Variants in ARFGEF2 observed in about 807,000 individuals in gnomAD.
The protein encoded by ARFGEF2 is ARF guanine nucleotide exchange factor 2.
A neutral mutation model predicts 219.9 loss-of-function variants in ARFGEF2; 74 were observed. That is an observed-to-expected ratio of 0.34 (90% confidence interval 0.28 to 0.41). The LOEUF is 0.41. Among genes scored for constraint, ARFGEF2 ranks in the 10% least tolerant of loss-of-function variants. The pLI, the probability that ARFGEF2 is intolerant of heterozygous loss-of-function variation, is 1.00. For missense variants in ARFGEF2, 1,743 were observed against 2,218.3 expected (o/e 0.79, Z 4.30); for synonymous variants, 733 against 799.2 (o/e 0.92, Z 1.40).
intron 6 of ARFGEF2, among the ~76,000 whole-genome samples, chr20:48,959,825 C>G (rs895524122): frequency 5.9e-5 from 9 of 151,758 alleles, no homozygotes; most frequent in Non-Finnish European, 1.2e-4. Flanking sequence ...GTCTCAAACT[C>G]CTAAGTTCAG....
intron 1 of ARFGEF2, among the ~76,000 whole-genome samples, chr20:48,925,306 G>GC (rs1329727548): frequency 1.3e-5 from 2 of 152,096 alleles, no homozygotes; most frequent in Non-Finnish European, 2.9e-5. Context: ...AGTATTCATC[G>GC]CCCCAAGGAT....
chr20:49,018,983 G>A lies in ARFGEF2; in HGVS notation c.4609G>A (p.Gly1537Ser). 6.2e-7 allele frequency: 1 copy of A among 1,613,786 alleles called. No homozygotes were observed. Among genetic ancestry groups the A allele is most frequent in the Non-Finnish European group, 8.5e-7 (1 of 1,179,778 alleles). ...TAACCCAACAGATGACAGCTGGAAGGGTAGACCATACGCAAGTAAGGCCAC... is the reference window on the plus strand; with the variant it reads ...TAACCCAACAGATGACAGCTGGAAGAGTAGACCATACGCAAGTAAGGCCAC... ...LSNPTDDSWK[G>S]RPYANQKLFA... Residue 1537 changes from glycine (G) to serine (S), a missense_variant, in exon 34 of 39, where the codon GGT becomes AGT. Physicochemically the swap from Gly to Ser is moderately conservative, Grantham distance 56 (BLOSUM62 0). Around this residue, in one of 5 missense-constraint regions of ARFGEF2, gnomAD observed 578 missense variants for 664.0 expected, o/e 0.87. Coordinates refer to ENST00000371917, the MANE Select transcript of ARFGEF2 (RefSeq NM_006420.3).
rs375483953 is a variant in ARFGEF2 at position 49,010,328 on chromosome 20, C to T, written c.3681C>T (p.Ala1227=). 1.7e-5 allele frequency: 28 copies of T among 1,614,156 alleles called. No homozygotes were observed. Among genetic ancestry groups the T allele is most frequent in the Admixed American group, 6.7e-5 (4 of 60,030 alleles). Residue 1227 remains alanine (A), a synonymous_variant, in exon 27 of 39, where the codon GCC becomes GCT. Transcript: ENST00000371917. ...GCTCAGGTTGGAAGAACATCTTTGC[C>T]GTGTTCCACCAGGCAGCCTCTGATC... The part of the protein sequence containing the change: ...NIRSGWKNIF[A]VFHQAASDHD...
rs572707523 is a variant in ARFGEF2, at chr20:48,956,883, A to G, written c.838+3093A>G. Among the ~76,000 whole-genome samples the G allele has an allele frequency of 1.5e-3, 223 of 152,234 alleles. 1 individual carries two copies. Among genetic ancestry groups the G allele is most frequent in the Non-Finnish European group, 2.4e-3 (165 of 68,014 alleles). On this transcript the variant is annotated intron_variant, in intron 6 of 38. Transcript: ENST00000371917. The stretch of plus-strand genomic sequence containing the variant: ...GCGTGAGCCACCACGCCCAACCAGG[A>G]TCTTTGTTTTAGACAGCAATATGTT...
At chr20:48,942,743 A>G (rs1288436774) in intron 3 of ARFGEF2, among the ~76,000 whole-genome samples, 1 of 151,968 alleles carries the variant, frequency 6.6e-6, no homozygotes, top group African/African-American at 2.4e-5. Flanking sequence ...ATTCATATCA[A>G]GTAGAGAAAT....
chr20:49,036,076 T>A lies in ARFGEF2; in HGVS notation c.*2877T>A. ...AGTAGTCTTTGTTATTAAAGGAACC[T>A]GCTGATAAGTACAAGTGTGACCATC... On this transcript the variant is annotated 3_prime_UTR_variant, in exon 39 of 39. Transcript: ENST00000371917. 2.5e-6 allele frequency: 1 copy of A among 398,146 alleles called. No individual in the cohort carries two copies. The highest frequency in any genetic ancestry group is 4.4e-6 in the Non-Finnish European group (1 of 225,842). The allele number at this position is 398,146 out of a possible 1,614,324, so 24.7% of individuals were successfully genotyped here. A position where few individuals can be genotyped will look rare whatever the true frequency, so the allele number is the denominator to read the frequency against.
At chr20:49,014,357 C>CT (rs909957992) in intron 30 of ARFGEF2, among the ~76,000 whole-genome samples, 9 of 151,684 alleles carry the variant, frequency 5.9e-5, no homozygotes, top group East Asian at 1.9e-4. Context: ...AATATTAAGC[C>CT]TTTTTTTTAA....
chr20:48,991,612 C>T (rs1055066859), intron 21 of ARFGEF2, among the ~76,000 whole-genome samples: 1 of 152,062 alleles, frequency 6.6e-6, no homozygotes, highest in Non-Finnish European at 1.5e-5. Context: ...AGTGAATTCA[C>T]ATGTTTTTAA....
chr20:48,923,517 G>C (rs1394787573), intron 1 of ARFGEF2, among the ~76,000 whole-genome samples: 1 of 152,168 alleles, frequency 6.6e-6, no homozygotes, highest in African/African-American at 2.4e-5. Context: ...TGAAATTCAG[G>C]ATCAGTGGAA....
intron 6 of ARFGEF2, among the ~76,000 whole-genome samples, chr20:48,963,582 G>A (rs2091168295): frequency 1.3e-5 from 2 of 152,210 alleles, no homozygotes; most frequent in South Asian, 2.1e-4. Flanking sequence ...GGAAGGAAGA[G>A]AGTAGTATAA....
chr20:49,011,028 G>GC (rs34383054), intron 27 of ARFGEF2, among the ~76,000 whole-genome samples: 51 of 152,190 alleles, frequency 3.4e-4, no homozygotes, highest in Non-Finnish European at 3.4e-4. Context: ...TGTTTAAAAT[G>GC]CCCCCCCAAG....
Position 48,966,043 on chromosome 20 carries a change from C to G in ARFGEF2, c.1059+20C>G, listed in dbSNP as rs1442958548. The G allele has an allele frequency of 6.2e-7, 1 of 1,613,840 alleles. No homozygotes were observed. Among genetic ancestry groups the G allele is most frequent in the Admixed American group, 1.7e-5 (1 of 60,006 alleles). On this transcript the variant is annotated intron_variant, in intron 8 of 38. Coordinates refer to ENST00000371917, the MANE Select transcript of ARFGEF2 (RefSeq NM_006420.3). The stretch of plus-strand genomic sequence containing the variant: ...AATCTGGTATGTTGGTGATCATCCT[C>G]TGTGGACTTATTGCCATTTTTACTT...
At position 48,984,716 on chromosome 20, in the gene ARFGEF2, C is replaced by G. The variant is rs781181582; in HGVS notation, c.1959-13C>G. ...GAAATAAGCAACTTGTGTCCCATCTCTGCTTGAAACAGGTTCAACAAGAAA... is the reference window on the plus strand; with the variant it reads ...GAAATAAGCAACTTGTGTCCCATCTGTGCTTGAAACAGGTTCAACAAGAAA... On this transcript the variant is annotated splice_polypyrimidine_tract_variant and intron_variant, in intron 14 of 38. Coordinates refer to ENST00000371917, the MANE Select transcript of ARFGEF2 (RefSeq NM_006420.3). 6.2e-7 allele frequency: 1 copy of G among 1,614,094 alleles called. No homozygotes were observed. The highest frequency in any genetic ancestry group is 1.1e-5 in the South Asian group (1 of 91,080).
chr20:48,931,609 C>G (rs1004111052), intron 1 of ARFGEF2, among the ~76,000 whole-genome samples: 1 of 150,886 alleles, frequency 6.6e-6, no homozygotes, highest in Non-Finnish European at 1.5e-5. Context: ...GAGGAAGTCC[C>G]CTGAGGAGGA....
At position 48,984,581 on chromosome 20, in the gene ARFGEF2, GA is replaced by G. The variant is rs1378265420; in HGVS notation, c.1959-144del. The G allele has an allele frequency of 1.7e-5, 18 of 1,041,862 alleles. No individual in the cohort carries two copies. In the East Asian group the frequency reaches 4.2e-4, roughly 25 times the overall value. The allele number at this position is 1,041,862 out of a possible 1,614,324, so 64.5% of individuals were successfully genotyped here. ...GGTCAGAAATTGAAGGTGGAATTTA[GA>G]AAAGCTGCCAGGACAGACATGACCT... On this transcript the variant is annotated intron_variant, in intron 14 of 38. Coordinates refer to ENST00000371917, the MANE Select transcript of ARFGEF2 (RefSeq NM_006420.3).
At chr20:48,934,119 C>CAAAAA (rs11476863) in intron 1 of ARFGEF2, among the ~76,000 whole-genome samples, 1 of 56,152 alleles carries the variant, frequency 1.8e-5, no homozygotes, top group South Asian at 9.5e-4. Context: ...GACTTCATCT[C>CAAAAA]AAAAAAAAAA....
chr20:48,948,589 C>T (rs1245265973), intron 3 of ARFGEF2, among the ~76,000 whole-genome samples: 4 of 152,340 alleles, frequency 2.6e-5, no homozygotes, highest in Middle Eastern at 6.8e-3. Flanking sequence ...ACTTGTAATA[C>T]AGCTTACTTA....
chr20:48,962,491 T>C (rs1006156491), intron 6 of ARFGEF2, among the ~76,000 whole-genome samples: 1 of 152,148 alleles, frequency 6.6e-6, no homozygotes, highest in African/African-American at 2.4e-5. Context: ...AAATACATAA[T>C]AATATATAAT....
intron 3 of ARFGEF2, among the ~76,000 whole-genome samples, chr20:48,950,814 AT>A (rs1568699389): frequency 0.05 from 2,528 of 50,600 alleles, 73 homozygotes; most frequent in Non-Finnish European, 0.06. Context: ...AAAAAAAAAT[AT>A]ATATATATAT....
Sources: gnomAD v4.1 joint callset for allele counts (sites outside exome capture counted in the v4.1 genomes callset) on GRCh38, gnomAD v4.1.1 for gene constraint, gnomAD v4.1.1 regional missense constraint, MANE v1.5 for transcripts, NCBI Gene and HGNC (gene_info 2026-07-23, HGNC 2026-07-21) for gene names.